The following LRMDA variants were observed in gnomAD, a reference collection of about 807,000 sequenced individuals.
LRMDA encodes leucine rich melanocyte differentiation associated, also known as leucine-rich melanocyte differentiation-associated protein.
In LRMDA, 18 loss-of-function variants were observed where a neutral mutation model predicts 29.8. The ratio of observed to expected loss-of-function variants is 0.60; its 90% confidence interval spans 0.42 to 0.90. The LOEUF is 0.90. Ranked by LOEUF, LRMDA falls within the 40% of genes least tolerant of loss-of-function variation. The pLI, the probability that LRMDA is intolerant of heterozygous loss-of-function variation, is 0.00. For missense variants in LRMDA, 273 were observed against 273.9 expected, an observed-to-expected ratio of 1.00 and a Z score of 0.02; for synonymous variants, 125 against 109.4, an observed-to-expected ratio of 1.14 and a Z score of -0.89.
chr10:75,669,525 A>C (rs770452449), intron 2 of LRMDA, among the ~76,000 whole-genome samples: 6 of 152,342 alleles, frequency 3.9e-5, no homozygotes, highest in Middle Eastern at 3.4e-3. Context: ...TTATTTTGTG[A>C]ATTATCACAA....
intron 5 of LRMDA, among the ~76,000 whole-genome samples, chr10:76,293,059 C>T (rs1840368874): frequency 1.3e-5 from 2 of 152,192 alleles, no homozygotes; most frequent in African/African-American, 4.8e-5. Context: ...CTGCAAGCTC[C>T]ACCTCCCGCC....
chr10:75,613,009 ACTT>A (rs1169854631), intron 2 of LRMDA, among the ~76,000 whole-genome samples: 9 of 152,104 alleles, frequency 5.9e-5, no homozygotes, highest in South Asian at 2.1e-4. Context: ...TTGTGGTTGA[ACTT>A]CTTCTTTATC....
Position 76,557,543 on chromosome 10 carries a change from C to A in LRMDA, c.*255C>A. On this transcript the variant is annotated 3_prime_UTR_variant, in exon 7 of 7. Transcript: ENST00000611255. ...TCTCATCCACCAGGGTGACAGACAG[C>A]GGTGGCAAAGCAACAGGGCTGACAG... 1.9e-6 allele frequency: 1 copy of A among 533,194 alleles called. No homozygotes were observed. The highest frequency in any genetic ancestry group is 2.3e-5 in the South Asian group (1 of 43,766). The allele number at this position is 533,194 out of a possible 1,614,324, so 33.0% of individuals were successfully genotyped here. A position where few individuals can be genotyped will look rare whatever the true frequency, so the allele number is the denominator to read the frequency against.
At chr10:76,309,284 A>G (rs951335053) in intron 5 of LRMDA, among the ~76,000 whole-genome samples, 4 of 152,070 alleles carry the variant, frequency 2.6e-5, no homozygotes, top group Non-Finnish European at 5.9e-5. Flanking sequence ...TGTGATTGGC[A>G]CCTTTGAAGC....
chr10:76,533,459 A>C (rs971007731), intron 6 of LRMDA, among the ~76,000 whole-genome samples: 1 of 152,112 alleles, frequency 6.6e-6, no homozygotes, highest in African/African-American at 2.4e-5. Context: ...CATTGTTGAA[A>C]TTGTTGCTGG....
chr10:76,331,466 A>G (rs1204003234), intron 6 of LRMDA, among the ~76,000 whole-genome samples: 1 of 152,338 alleles, frequency 6.6e-6, no homozygotes, highest in Non-Finnish European at 1.5e-5. Flanking sequence ...AAAATTGTCA[A>G]TGACTCATTG....
rs182600871 is a variant in LRMDA, at chr10:76,080,440, C to T, written c.516+21657C>T. On this transcript the variant is annotated intron_variant, in intron 5 of 6. Coordinates refer to ENST00000611255, the MANE Select transcript of LRMDA (RefSeq NM_001305581.2). ...ACACTGAGCTATACTGAGACAGTCA[C>T]CTTCTTCCCCATGGCCAATTACCAG... 2.2e-3 allele frequency among the ~76,000 whole-genome samples: 341 copies of T among 152,312 alleles called. 1 individual carries two copies. The highest frequency in any genetic ancestry group is 7.8e-3 in the African/African-American group (324 of 41,580).
chr10:75,439,169 C>A (rs983587771), intron 2 of LRMDA, among the ~76,000 whole-genome samples: 1 of 152,090 alleles, frequency 6.6e-6, no homozygotes, highest in Non-Finnish European at 1.5e-5. Context: ...TTATGCCTTG[C>A]GCCTGGTTTG....
At chr10:75,910,484 A>G (rs1400202098) in intron 2 of LRMDA, among the ~76,000 whole-genome samples, 1 of 152,226 alleles carries the variant, frequency 6.6e-6, no homozygotes, top group Non-Finnish European at 1.5e-5. Context: ...AACATTTTGG[A>G]GGGTTTAAAT....
chr10:75,978,248 T>G (rs1847107824), intron 2 of LRMDA, among the ~76,000 whole-genome samples: 1 of 152,230 alleles, frequency 6.6e-6, no homozygotes. Flanking sequence ...ATGGAAGTAT[T>G]GCAGGGCTGG....
At chr10:75,507,945 C>A (rs1419286144) in intron 2 of LRMDA, among the ~76,000 whole-genome samples, 1 of 152,170 alleles carries the variant, frequency 6.6e-6, no homozygotes, top group Non-Finnish European at 1.5e-5. Flanking sequence ...CTCAATTGAG[C>A]CCTATTGATG....
intron 2 of LRMDA, among the ~76,000 whole-genome samples, chr10:75,693,838 T>C: frequency 1.3e-5 from 2 of 152,288 alleles, no homozygotes; most frequent in South Asian, 4.1e-4. Context: ...AGCAGGATGG[T>C]ACAATTTATT....
chr10:76,293,298 T>C (rs1840372515), intron 5 of LRMDA, among the ~76,000 whole-genome samples: 1 of 152,206 alleles, frequency 6.6e-6, no homozygotes, highest in African/African-American at 2.4e-5. Flanking sequence ...TGTGCCTTAA[T>C]CATTGTATAT....
chr10:75,625,113 T>A (rs1388615738), intron 2 of LRMDA, among the ~76,000 whole-genome samples: 1 of 152,166 alleles, frequency 6.6e-6, no homozygotes, highest in Non-Finnish European at 1.5e-5. Context: ...AGCCACTCAG[T>A]AGTGACAGTG....
chr10:75,689,872 T>C (rs1392376322), intron 2 of LRMDA, among the ~76,000 whole-genome samples: 1 of 152,222 alleles, frequency 6.6e-6, no homozygotes, highest in Admixed American at 6.5e-5. Flanking sequence ...TCCCAGCCTT[T>C]GCAGGCAGTT....
chr10:76,117,957 C>A (rs374499942), intron 5 of LRMDA, among the ~76,000 whole-genome samples: 3 of 152,154 alleles, frequency 2.0e-5, no homozygotes, highest in African/African-American at 7.2e-5. Context: ...CTTTCATAAC[C>A]CACAATAAAA....
chr10:76,348,587 C>T (rs1323017256), intron 6 of LRMDA, among the ~76,000 whole-genome samples: 1 of 152,186 alleles, frequency 6.6e-6, no homozygotes, highest in Non-Finnish European at 1.5e-5. Flanking sequence ...GTCCTTTCCA[C>T]CATGTGGTTT....
At position 76,174,204 on chromosome 10, in the gene LRMDA, G is replaced by A. The variant is rs538132769; in HGVS notation, c.516+115421G>A. 1.4e-4 allele frequency among the ~76,000 whole-genome samples: 22 copies of A among 152,256 alleles called. 1 individual carries two copies. In the South Asian group the frequency reaches 4.4e-3, roughly 30 times the overall value. ...TTTTATGAGATACCTCAGTCTCCAT[G>A]AAGTGCTTATTTCACATTGCATGCC... On this transcript the variant is annotated intron_variant, in intron 5 of 6. Transcript: ENST00000611255.
intron 5 of LRMDA, among the ~76,000 whole-genome samples, chr10:76,236,582 TA>T (rs1256990288): frequency 6.6e-6 from 1 of 152,196 alleles, no homozygotes; most frequent in African/African-American, 2.4e-5. Context: ...CCCAGACCTT[TA>T]AAAACCCTAG....
Sources: allele counts gnomAD v4.1 joint callset (sites outside exome capture counted in the v4.1 genomes callset), GRCh38; gene constraint gnomAD v4.1.1; transcripts MANE v1.5; gene names NCBI Gene and HGNC (gene_info 2026-07-23, HGNC 2026-07-21).